The following CREB5 variants were observed in gnomAD, a reference collection of about 807,000 sequenced individuals.
CREB5 encodes the protein cyclic AMP-responsive element-binding protein 5.
CREB5 carries 19 observed loss-of-function variants against 57.1 expected under a neutral mutation model. The observed-to-expected ratio is 0.33, with a 90% confidence interval of 0.23 to 0.49. The LOEUF is 0.49. CREB5 is among the 20% of genes least tolerant of loss of function. CREB5 has a pLI of 0.99. For synonymous variants in CREB5, 238 were observed against 238.3 expected, an observed-to-expected ratio of 1.00 and a Z score of 0.01; for missense variants, 579 against 671.6, an observed-to-expected ratio of 0.86 and a Z score of 1.52.
intron 7 of CREB5, among the ~76,000 whole-genome samples, chr7:28,784,199 C>A (rs1807169481): frequency 2.0e-5 from 3 of 152,360 alleles, no homozygotes; most frequent in East Asian, 3.9e-4. Flanking sequence ...CACTTCAAGT[C>A]TTGGGGCTGA....
chr7:28,462,707 A>G (rs753492655), intron 1 of CREB5, among the ~76,000 whole-genome samples: 1 of 151,968 alleles, frequency 6.6e-6, no homozygotes, highest in Non-Finnish European at 1.5e-5. Context: ...CCATTTGTAT[A>G]TTTTCTGTAT....
intron 1 of CREB5, among the ~76,000 whole-genome samples, chr7:28,439,142 C>G (rs1227663533): frequency 6.6e-6 from 1 of 152,140 alleles, no homozygotes; most frequent in Non-Finnish European, 1.5e-5. Context: ...TGTCTACATC[C>G]TGAATAGACC....
chr7:28,493,699 C>A (rs961596820), intron 2 of CREB5, among the ~76,000 whole-genome samples: 1 of 152,132 alleles, frequency 6.6e-6, no homozygotes, highest in Non-Finnish European at 1.5e-5. Flanking sequence ...CATGCAACCA[C>A]AAGAGAGCCA....
At chr7:28,678,365 G>T (rs1800421176) in intron 5 of CREB5, among the ~76,000 whole-genome samples, 1 of 152,126 alleles carries the variant, frequency 6.6e-6, no homozygotes, top group Non-Finnish European at 1.5e-5. Context: ...TCCAGCCTGG[G>T]CGACAGAGTG....
chr7:28,340,189 C>T (rs188120518), intron 1 of CREB5, among the ~76,000 whole-genome samples: 1 of 152,210 alleles, frequency 6.6e-6, no homozygotes, highest in African/African-American at 2.4e-5. Flanking sequence ...CTTTACCCTG[C>T]TTTTCTCAAG....
At chr7:28,454,523 G>A (rs544485070) in intron 1 of CREB5, among the ~76,000 whole-genome samples, 9 of 152,202 alleles carry the variant, frequency 5.9e-5, no homozygotes, top group Middle Eastern at 3.4e-3. Context: ...ATCCATGTTC[G>A]CCAGATTGCT....
intron 7 of CREB5, among the ~76,000 whole-genome samples, chr7:28,746,739 A>T (rs762444249): frequency 6.6e-6 from 1 of 152,154 alleles, no homozygotes; most frequent in Non-Finnish European, 1.5e-5. Context: ...AGCTTAATTG[A>T]TTAGCTCTAT....
intron 7 of CREB5, among the ~76,000 whole-genome samples, chr7:28,756,049 A>G (rs1171173351): frequency 1.8e-4 from 28 of 152,180 alleles, no homozygotes; most frequent in Non-Finnish European, 1.5e-5. Context: ...AGAACATAGG[A>G]AGGTTCAGAA....
Position 28,819,243 on chromosome 7 carries a change from C to T in CREB5, c.1491C>T (p.Leu497=). The change falls in exon 11 of 11, where the codon CTC becomes CTT. Residue 497 remains leucine (L), a synonymous_variant. Transcript: ENST00000357727. Reference sequence around the variant, plus strand: ...TAGGAAGCTCCACCCTCAGCCAGCTCACCACTCACAGAACAGACCTGAATC... The same window carrying T: ...TAGGAAGCTCCACCCTCAGCCAGCTTACCACTCACAGAACAGACCTGAATC... ...EVVGSSTLSQ[L]TTHRTDLNPI... 6.2e-7 allele frequency: 1 copy of T among 1,613,836 alleles called. No individual in the cohort carries two copies. Among genetic ancestry groups the T allele is most frequent in the Non-Finnish European group, 8.5e-7 (1 of 1,179,852 alleles).
At position 28,556,151 on chromosome 7, in the gene CREB5, C is replaced by T. The variant is rs1311539880; in HGVS notation, c.292-14214C>T. 3.3e-5 allele frequency among the ~76,000 whole-genome samples: 5 copies of T among 152,278 alleles called. 1 individual carries two copies. In the South Asian group the frequency reaches 6.2e-4, roughly 19 times the overall value. On this transcript the variant is annotated intron_variant, in intron 4 of 10. Coordinates refer to ENST00000357727, the MANE Select transcript of CREB5 (RefSeq NM_182898.4). Reference sequence around the variant, plus strand: ...TCTAGATGTGCTCACTTTCCTCCTGCTCAGTAATTTTGGCAGAAAGTAGAG... The same window carrying T: ...TCTAGATGTGCTCACTTTCCTCCTGTTCAGTAATTTTGGCAGAAAGTAGAG...
intron 5 of CREB5, among the ~76,000 whole-genome samples, chr7:28,627,747 C>A (rs1418999656): frequency 6.6e-6 from 1 of 152,112 alleles, no homozygotes; most frequent in Non-Finnish European, 1.5e-5. Flanking sequence ...CCTCCTCTGG[C>A]CATATCCTCT....
At chr7:28,740,495 A>G (rs1804270280) in intron 7 of CREB5, among the ~76,000 whole-genome samples, 1 of 152,200 alleles carries the variant, frequency 6.6e-6, no homozygotes, top group Non-Finnish European at 1.5e-5. Context: ...AGTCTCAGAA[A>G]TCCTTTTGAA....
intron 4 of CREB5, among the ~76,000 whole-genome samples, chr7:28,526,037 A>G (rs1171553852): frequency 6.6e-6 from 1 of 152,214 alleles, no homozygotes; most frequent in Non-Finnish European, 1.5e-5. Context: ...TGGGATGGGA[A>G]ATTAGGCAAA....
intron 1 of CREB5, among the ~76,000 whole-genome samples, chr7:28,337,074 A>G (rs1239047532): frequency 6.6e-6 from 1 of 152,086 alleles, no homozygotes; most frequent in East Asian, 1.9e-4. Flanking sequence ...ATATTATTTC[A>G]ATATTTTGAA....
At chr7:28,746,728 A>C (rs1443044865) in intron 7 of CREB5, among the ~76,000 whole-genome samples, 2 of 152,212 alleles carry the variant, frequency 1.3e-5, no homozygotes, top group East Asian at 3.8e-4. Flanking sequence ...GTTTGTAATG[A>C]AGCTTAATTG....
intron 1 of CREB5, among the ~76,000 whole-genome samples, chr7:28,352,413 A>C (rs1406618805): frequency 6.6e-6 from 1 of 152,212 alleles, no homozygotes; most frequent in Non-Finnish European, 1.5e-5. Context: ...GATATTTTTT[A>C]GTTGTAAGTA....
chr7:28,622,569 T>C (rs1222388007), intron 5 of CREB5, among the ~76,000 whole-genome samples: 1 of 152,218 alleles, frequency 6.6e-6, no homozygotes, highest in Non-Finnish European at 1.5e-5. Context: ...TACTGAGTAC[T>C]TTATATGCTT....
intron 4 of CREB5, among the ~76,000 whole-genome samples, chr7:28,514,488 C>T (rs1204434115): frequency 6.6e-6 from 1 of 152,116 alleles, no homozygotes; most frequent in Non-Finnish European, 1.5e-5. Flanking sequence ...CTCCGCCTCC[C>T]GGGTTCACGC....
intron 4 of CREB5, among the ~76,000 whole-genome samples, chr7:28,552,936 A>G (rs546768219): frequency 2.0e-5 from 3 of 152,232 alleles, no homozygotes; most frequent in Non-Finnish European, 4.4e-5. Flanking sequence ...ACTCTCCAGC[A>G]GATGTTTCCA....
Sources: gnomAD v4.1 joint callset for allele counts (sites outside exome capture counted in the v4.1 genomes callset) on GRCh38, gnomAD v4.1.1 for gene constraint, MANE v1.5 for transcripts, NCBI Gene and HGNC (gene_info 2026-07-23, HGNC 2026-07-21) for gene names.